The following SREBF1 variants were observed in gnomAD, a reference collection of about 807,000 sequenced individuals.
The protein encoded by SREBF1 is sterol regulatory element binding transcription factor 1, also known as sterol regulatory element-binding protein 1.
Under a neutral mutation model 100.1 loss-of-function variants are expected in SREBF1, and 45 were observed. That is an observed-to-expected ratio of 0.45 (90% CI 0.35 to 0.58). The LOEUF is 0.58. SREBF1 is among the 20% of genes least tolerant of loss of function. The pLI is 0.00. For missense variants in SREBF1, 1,324 were observed against 1,539.4 expected (o/e 0.86, Z 2.34); for synonymous variants, 657 against 681.8 (o/e 0.96, Z 0.57).
intron 4 of SREBF1, 21 bp downstream of exon 4, chr17:17,819,299 T>A: frequency 6.2e-7 from 1 of 1,613,666 alleles, no homozygotes. Flanking sequence ...CACTCCCTTA[T>A]GCCCTGCCCA....
intron 6 of SREBF1, 105 bp downstream of exon 6, chr17:17,818,155 G>A: frequency 1.1e-6 from 1 of 948,582 alleles, no homozygotes. Flanking sequence ...GGCAGAGGGT[G>A]GGCCAGAACC....
At chr17:17,826,558 T>C (rs997574622) in intron 1 of SREBF1, among the ~76,000 whole-genome samples, 2 of 152,176 alleles carry the variant, frequency 1.3e-5, no homozygotes, top group African/African-American at 4.8e-5. Context: ...CTCTGGGCCA[T>C]GGTGGCCCCA....
intron 1 of SREBF1, among the ~76,000 whole-genome samples, chr17:17,832,784 G>T (rs550438872): frequency 6.6e-5 from 10 of 152,176 alleles, no homozygotes; most frequent in African/African-American, 2.4e-4. Context: ...GCCAGGCATG[G>T]TGGCACGCAC....
In SREBF1 at chr17:17,833,431, AAAAAAAAAAAAAAAAAAAAATATATATAT is replaced by A. The variant is rs2035005467; in HGVS notation, c.91+3267_91+3295del. Among the ~76,000 whole-genome samples, 3 of 72,872 alleles carry A rather than the reference AAAAAAAAAAAAAAAAAAAAATATATATAT, an allele frequency of 4.1e-5. No homozygotes were observed. The East Asian group carries it at 7.6e-4, about 18-fold the overall frequency. 47.8% of individuals were successfully genotyped at this position (72,872 alleles called of 152,430 possible). A position where few individuals can be genotyped will look rare whatever the true frequency, so the allele number is the denominator to read the frequency against. On this transcript the variant is annotated intron_variant, in intron 1 of 18. Transcript: ENST00000261646. ...GCAAGACTCCGTCTCAAAAAAAAAAAAAAAAAAAAAAAAAAAAAAATATATATATATATATATATATATACACACACACA... is the reference window on the plus strand; with the variant it reads ...GCAAGACTCCGTCTCAAAAAAAAAAAATATATATATATATACACACACACA...
intron 1 of SREBF1, among the ~76,000 whole-genome samples, chr17:17,825,835 C>T (rs1401236971): frequency 6.6e-6 from 1 of 152,076 alleles, no homozygotes; most frequent in Admixed American, 6.5e-5. Flanking sequence ...AGGCTGGTCT[C>T]GAACTCCTGA....
At chr17:17,815,072 G>A in intron 13 of SREBF1, 128 bp from the exon 14 acceptor site, 2 of 1,200,032 alleles carry the variant, frequency 1.7e-6, no homozygotes, top group Middle Eastern at 2.2e-4. Flanking sequence ...CCCACAGGCT[G>A]GTGGGGAGAG....
intron 1 of SREBF1, among the ~76,000 whole-genome samples, chr17:17,833,942 G>A (rs2035063170): frequency 6.6e-6 from 1 of 151,820 alleles, no homozygotes; most frequent in Non-Finnish European, 1.5e-5. Context: ...CTGGACTACA[G>A]CATGGGCAAA....
At chr17:17,812,880 G>T in intron 18 of SREBF1, 29 bp from the exon 19 acceptor site, 1 of 1,462,684 alleles carries the variant, frequency 6.8e-7, no homozygotes, top group Non-Finnish European at 9.0e-7. Context: ...GTCAGGGATG[G>T]GTCTCAAGCT....
Position 17,817,433 on chromosome 17 carries a change from G to C in SREBF1, c.1429C>G (p.Leu477Val). The C allele has an allele frequency of 6.3e-7, 1 of 1,590,462 alleles. No individual in the cohort carries two copies. The highest frequency in any genetic ancestry group is 8.6e-7 in the Non-Finnish European group (1 of 1,168,482). The change falls in exon 8 of 19, where the codon CTG becomes GTG. Residue 477 changes from leucine to valine, a missense_variant. Physicochemically the swap from Leu to Val is conservative, Grantham distance 32. Coordinates refer to ENST00000261646, the MANE Select transcript of SREBF1 (RefSeq NM_004176.5). The surrounding 1 kb of genome is among the most constrained non-coding windows in gnomAD (Gnocchi z 6.6). ...CGGTCCAGCATGCCCCGGCTGTGCA[G>C]AGACGGCCGCTGCTCTGGCTTTGCC... is the stretch of plus-strand genomic sequence containing the variant. ...SKAKPEQRPS[L>V]HSRGMLDRSR...
At chr17:17,823,319 C>T (rs1160536752) in intron 1 of SREBF1, among the ~76,000 whole-genome samples, 2 of 152,154 alleles carry the variant, frequency 1.3e-5, no homozygotes, top group East Asian at 3.9e-4. Flanking sequence ...ACCCTTCCCC[C>T]TTGAGTTGCA....
At chr17:17,832,233 T>C (rs2034904353) in intron 1 of SREBF1, among the ~76,000 whole-genome samples, 1 of 152,222 alleles carries the variant, frequency 6.6e-6, no homozygotes, top group African/African-American at 2.4e-5. Context: ...CTTCATCATA[T>C]GTCTACCTAC....
intron 6 of SREBF1, 36 bp downstream of exon 6, chr17:17,818,224 G>A (rs775530774): frequency 6.4e-6 from 10 of 1,573,358 alleles, no homozygotes; most frequent in South Asian, 1.1e-5. Flanking sequence ...GGCTAGAGAA[G>A]AGGCCAGACT....
In SREBF1 at chr17:17,812,050, C is replaced by CCAT; in HGVS notation, c.*569_*571dup. On this transcript the variant is annotated 3_prime_UTR_variant, in exon 19 of 19. Coordinates refer to ENST00000261646, the MANE Select transcript of SREBF1 (RefSeq NM_004176.5). Reference sequence around the variant, plus strand: ...CAAGCACTCTCACTAGTCAGCACATCCATCAGCTGAAGACACAAAACCCAG... The same window carrying CCAT: ...CAAGCACTCTCACTAGTCAGCACATCCATCATCAGCTGAAGACACAAAACCCAG... 1 of 438,832 alleles carries CCAT rather than the reference C, an allele frequency of 2.3e-6. No individual in the cohort carries two copies. Among genetic ancestry groups the CCAT allele is most frequent in the Non-Finnish European group, 4.5e-6 (1 of 222,468 alleles). 27.2% of individuals were successfully genotyped at this position (438,832 alleles called of 1,614,324 possible). A position where few individuals can be genotyped will look rare whatever the true frequency, so the allele number is the denominator to read the frequency against.
chr17:17,822,334 AGT>A, intron 1 of SREBF1, among the ~76,000 whole-genome samples: 1 of 152,386 alleles, frequency 6.6e-6, no homozygotes, highest in Non-Finnish European at 1.5e-5. Flanking sequence ...ATGGCCAACC[AGT>A]GTGTCTCTGT....
chr17:17,835,728 T>C (rs1041869101), intron 1 of SREBF1, among the ~76,000 whole-genome samples: 3 of 152,266 alleles, frequency 2.0e-5, no homozygotes, highest in African/African-American at 4.8e-5. Context: ...GGCCTCCTAA[T>C]TGGCACTTGG....
Position 17,812,034 on chromosome 17 carries a change from T to C in SREBF1, c.*588A>G, listed in dbSNP as rs1157568245. 6.9e-6 allele frequency: 3 copies of C among 437,570 alleles called. No individual in the cohort carries two copies. The highest frequency in any genetic ancestry group is 4.9e-5 in the South Asian group (3 of 61,358). 27.1% of individuals were successfully genotyped at this position (437,570 alleles called of 1,614,324 possible). On this transcript the variant is annotated 3_prime_UTR_variant, in exon 19 of 19. Transcript: ENST00000261646. ...GTGCTGGGGGAGGGCCCAAGCACTC[T>C]CACTAGTCAGCACATCCATCAGCTG...
Position 17,816,453 on chromosome 17 carries a change from C to A in SREBF1, c.2047+4G>T. 6.2e-7 allele frequency: 1 copy of A among 1,606,058 alleles called. No homozygotes were observed. The highest frequency in any genetic ancestry group is 8.5e-7 in the Non-Finnish European group (1 of 1,177,158). On this transcript the variant is annotated splice_donor_region_variant and intron_variant, in intron 10 of 18. Coordinates refer to ENST00000261646, the MANE Select transcript of SREBF1 (RefSeq NM_004176.5). ...CTCGGAGCCCGCCCCACGCTCAGTC[C>A]TACCCATGGTGTGCAGCTGGTGCAG... is the stretch of plus-strand genomic sequence containing the variant.
chr17:17,829,205 A>AAATAT (rs1210718799), intron 1 of SREBF1, among the ~76,000 whole-genome samples: 4 of 65,850 alleles, frequency 6.1e-5, no homozygotes, highest in African/African-American at 3.5e-4. Flanking sequence ...AAAAAAAAAA[A>AAATAT]ATATATATAT....
intron 9 of SREBF1, 110 bp downstream of exon 9, chr17:17,816,848 G>A: frequency 6.3e-7 from 1 of 1,590,428 alleles, no homozygotes; most frequent in East Asian, 2.2e-5. Flanking sequence ...GCACAGGGAG[G>A]ACGGGACAGA....
Sources: allele counts gnomAD v4.1 joint callset (sites outside exome capture counted in the v4.1 genomes callset), GRCh38; gene constraint gnomAD v4.1.1; non-coding constraint Gnocchi (gnomAD v3.1); transcripts MANE v1.5; gene names NCBI Gene and HGNC (gene_info 2026-07-23, HGNC 2026-07-21).